ADGRB3: variants seen among roughly 807,000 people sequenced by gnomAD.
The protein encoded by ADGRB3 is brain-specific angiogenesis inhibitor 3.
In ADGRB3, 37 loss-of-function variants were observed where a neutral mutation model predicts 193.4. The observed-to-expected ratio is 0.19, with a 90% CI of 0.15 to 0.25. The LOEUF is 0.25. ADGRB3 is among the 10% of genes least tolerant of loss of function. The pLI is 1.00. For missense variants in ADGRB3, 1,637 were observed against 1,852.9 expected, an observed-to-expected ratio of 0.88 and a Z score of 2.14; for synonymous variants, 690 against 644.2, an observed-to-expected ratio of 1.07 and a Z score of -1.08.
rs187969124 is a variant in ADGRB3, at chr6:68,975,325, A to G, written c.1719A>G (p.Arg573=). ...SFARCISNEY[R]HLQHSIKEHL... is the part of the protein sequence containing the mutation. ...CAAGATGCATATCAAATGAGTACAG[A>G]CACTTGCAGCATTCAGTAGGTGCAA... The change falls in exon 10 of 32, where the codon AGA becomes AGG. Residue 573 remains arginine (R), a synonymous_variant. Transcript: ENST00000370598. The G allele has an allele frequency of 2.0e-4, 329 of 1,613,532 alleles. 2 individuals carry two copies. The East Asian group carries it at 5.0e-3, about 24-fold the overall frequency.
intron 8 of ADGRB3, among the ~76,000 whole-genome samples, chr6:68,961,462 T>C (rs1467083034): frequency 6.6e-6 from 1 of 152,140 alleles, no homozygotes; most frequent in African/African-American, 2.4e-5. Flanking sequence ...TATAAAATAC[T>C]TGGTGTGGGG....
At chr6:69,030,892 C>A (rs190654799) in intron 13 of ADGRB3, among the ~76,000 whole-genome samples, 1 of 147,866 alleles carries the variant, frequency 6.8e-6, no homozygotes, top group Non-Finnish European at 1.5e-5. Context: ...TCTAGAGTTT[C>A]TTACGAGTTA....
intron 20 of ADGRB3, among the ~76,000 whole-genome samples, chr6:69,264,294 G>A (rs1766988392): frequency 6.6e-6 from 1 of 151,874 alleles, no homozygotes; most frequent in African/African-American, 2.4e-5. Flanking sequence ...AACCGCCATG[G>A]CTATTTCAAG....
intron 3 of ADGRB3, among the ~76,000 whole-genome samples, chr6:68,767,157 T>C (rs1297121346): frequency 6.6e-6 from 1 of 152,188 alleles, no homozygotes; most frequent in Non-Finnish European, 1.5e-5. Context: ...TATAAGTATC[T>C]TTATATTATT....
chr6:69,028,898 A>G (rs1770523604), intron 13 of ADGRB3, among the ~76,000 whole-genome samples: 1 of 152,182 alleles, frequency 6.6e-6, no homozygotes, highest in African/African-American at 2.4e-5. Flanking sequence ...TTACAGCATC[A>G]TTAATATTTC....
chr6:69,331,096 C>A (rs1286316404), intron 23 of ADGRB3, among the ~76,000 whole-genome samples: 2 of 152,140 alleles, frequency 1.3e-5, no homozygotes, highest in African/African-American at 4.8e-5. Flanking sequence ...TCTCTACCTA[C>A]TACATACCAG....
At chr6:68,766,314 A>C (rs1033686672) in intron 3 of ADGRB3, among the ~76,000 whole-genome samples, 3 of 151,956 alleles carry the variant, frequency 2.0e-5, no homozygotes, top group Non-Finnish European at 4.4e-5. Flanking sequence ...TTTTTTGGTT[A>C]AACATTTCAC....
chr6:68,950,864 A>G (rs116833098), intron 6 of ADGRB3, among the ~76,000 whole-genome samples: 1 of 152,178 alleles, frequency 6.6e-6, no homozygotes, highest in African/African-American at 2.4e-5. Context: ...CATCCGTTCT[A>G]CACAAAACCA....
rs186885829 is a variant in ADGRB3 at position 68,805,184 on chromosome 6, G to C, written c.758-125375G>C. Among the ~76,000 whole-genome samples, 3 of 152,292 alleles carry C rather than the reference G, an allele frequency of 2.0e-5. No individual in the cohort carries two copies. The East Asian group carries it at 5.8e-4, about 29-fold the overall frequency. On this transcript the variant is annotated intron_variant, in intron 3 of 31. Transcript: ENST00000370598. ...ATTCCCGGCCTAAAGTGATCCGACT[G>C]TCTGCTTTGGCCTCCCAAATTATTG...
At chr6:68,824,720 A>G (rs1440142238) in intron 3 of ADGRB3, among the ~76,000 whole-genome samples, 1 of 150,024 alleles carries the variant, frequency 6.7e-6, no homozygotes, top group Non-Finnish European at 1.5e-5. Flanking sequence ...TTCTTCTGGG[A>G]ATTTTTCCCC....
intron 3 of ADGRB3, among the ~76,000 whole-genome samples, chr6:68,854,850 C>A (rs1443421554): frequency 1.3e-5 from 2 of 152,206 alleles, no homozygotes; most frequent in African/African-American, 4.8e-5. Context: ...CAGCTGCAGA[C>A]TTCAGAGTCT....
rs1047588630 is a variant in ADGRB3 at position 68,790,264 on chromosome 6, A to C, written c.758-140295A>C. ...TGCAAGGCAGCAGGGAGGCTGGGGG[A>C]GGGGTGCCCGCCATTGTTGAGTTAG... On this transcript the variant is annotated intron_variant, in intron 3 of 31. Coordinates refer to ENST00000370598, the MANE Select transcript of ADGRB3 (RefSeq NM_001704.3). 2.0e-5 allele frequency among the ~76,000 whole-genome samples: 3 copies of C among 151,896 alleles called. No individual in the cohort carries two copies. In the South Asian group the frequency reaches 6.2e-4, roughly 32 times the overall value.
chr6:68,999,282 T>G (rs1479621722), intron 11 of ADGRB3, among the ~76,000 whole-genome samples: 1 of 135,714 alleles, frequency 7.4e-6, no homozygotes, highest in Non-Finnish European at 1.6e-5. Context: ...TTTTTTTTTT[T>G]GAGATGGAGT....
At chr6:69,269,222 ATTCCAGAAACAACATTCTTAG>A (rs1767117406) in intron 20 of ADGRB3, among the ~76,000 whole-genome samples, 1 of 152,188 alleles carries the variant, frequency 6.6e-6, no homozygotes, top group African/African-American at 2.4e-5. Context: ...GGTTTGTCCA[ATTCCAGAAACAACATTCTTAG>A]TTAAAACAAA....
chr6:69,093,302 G>A (rs1423950983), intron 17 of ADGRB3, among the ~76,000 whole-genome samples: 1 of 151,768 alleles, frequency 6.6e-6, no homozygotes, highest in Non-Finnish European at 1.5e-5. Flanking sequence ...CTAGGGAAAG[G>A]GATGGGGTGG....
chr6:68,640,628 C>T (rs1164602025), intron 3 of ADGRB3, among the ~76,000 whole-genome samples: 1 of 152,206 alleles, frequency 6.6e-6, no homozygotes. Context: ...AGCTCCAGTC[C>T]CTCTTTCCTT....
intron 3 of ADGRB3, among the ~76,000 whole-genome samples, chr6:68,902,780 C>T (rs1326888230): frequency 3.9e-5 from 6 of 152,092 alleles, no homozygotes; most frequent in Non-Finnish European, 8.8e-5. Context: ...GACACTAGCA[C>T]TGTTAACTTA....
chr6:68,889,514 T>A (rs1029289588), intron 3 of ADGRB3, among the ~76,000 whole-genome samples: 3 of 151,922 alleles, frequency 2.0e-5, no homozygotes, highest in Non-Finnish European at 1.5e-5. Flanking sequence ...TTTATTTTTT[T>A]TTTTTTGAGA....
intron 17 of ADGRB3, among the ~76,000 whole-genome samples, chr6:69,100,925 G>A (rs58802030): frequency 1.4e-4 from 1 of 7,308 alleles, no homozygotes; most frequent in African/African-American, 1.0e-3. Flanking sequence ...AAGGAAGGAA[G>A]GAGGGAGGGA....
Sources: gnomAD v4.1 joint callset for allele counts (sites outside exome capture counted in the v4.1 genomes callset) on GRCh38, gnomAD v4.1.1 for gene constraint, MANE v1.5 for transcripts, NCBI Gene and HGNC (gene_info 2026-07-23, HGNC 2026-07-21) for gene names.